The following NELL2 variants were observed in gnomAD, a reference collection of about 807,000 sequenced individuals.
NELL2 encodes protein kinase C-binding protein NELL2.
NELL2 carries 41 observed loss-of-function variants against 109.6 expected under a neutral mutation model. The ratio of observed to expected loss-of-function variants is 0.37; its 90% CI spans 0.29 to 0.49. The LOEUF is 0.49. NELL2 is among the 20% of genes least tolerant of loss of function. The pLI, the probability that NELL2 is intolerant of heterozygous loss-of-function variation, is 0.98. For synonymous variants in NELL2, 355 were observed against 344.7 expected (o/e 1.03, Z -0.33); for missense variants, 900 against 1,008.3 (o/e 0.89, Z 1.45).
At chr12:44,769,119 C>T (rs575132348) in intron 9 of NELL2, among the ~76,000 whole-genome samples, 224 of 152,208 alleles carry the variant, frequency 1.5e-3, no homozygotes, top group Middle Eastern at 0.01. Flanking sequence ...TTTAAAATCA[C>T]TAAGTACTTG....
chr12:44,665,857 T>C (rs1472320556), intron 12 of NELL2, among the ~76,000 whole-genome samples: 2 of 152,194 alleles, frequency 1.3e-5, no homozygotes, highest in Non-Finnish European at 1.5e-5. Flanking sequence ...AAATATCTTT[T>C]GAAATTTTCA....
chr12:44,820,739 T>C (rs1194573226), intron 2 of NELL2, among the ~76,000 whole-genome samples: 1 of 152,004 alleles, frequency 6.6e-6, no homozygotes, highest in African/African-American at 2.4e-5. Flanking sequence ...AGAGACTTAA[T>C]GAAAGGAAAT....
intron 9 of NELL2, among the ~76,000 whole-genome samples, chr12:44,756,213 G>A (rs925986797): frequency 2.6e-5 from 4 of 151,906 alleles, no homozygotes; most frequent in Non-Finnish European, 5.9e-5. Context: ...AGCAAAGTTC[G>A]AATTCTTCAA....
intron 15 of NELL2, among the ~76,000 whole-genome samples, chr12:44,541,230 G>C (rs1219405782): frequency 1.0e-5 from 1 of 99,504 alleles, no homozygotes; most frequent in Non-Finnish European, 1.8e-5. Flanking sequence ...CAGCCTGGGA[G>C]ACAAAGTGAG....
chr12:44,571,299 T>A (rs925794266), intron 15 of NELL2, among the ~76,000 whole-genome samples: 1 of 152,210 alleles, frequency 6.6e-6, no homozygotes, highest in Non-Finnish European at 1.5e-5. Context: ...CCTTCTTGGC[T>A]TAGCAGAGTG....
intron 1 of NELL2, among the ~76,000 whole-genome samples, chr12:44,895,327 G>C (rs547255572): frequency 6.6e-6 from 1 of 152,012 alleles, no homozygotes. Context: ...GGAACAAAAC[G>C]CAAGAGTTGA....
chr12:44,557,784 T>C (rs143117304), intron 15 of NELL2, among the ~76,000 whole-genome samples: 1 of 151,784 alleles, frequency 6.6e-6, no homozygotes, highest in East Asian at 1.9e-4. Flanking sequence ...GAGGATGGAA[T>C]TGTAAAGGGG....
chr12:44,628,791 A>C (rs1053815703), intron 13 of NELL2, among the ~76,000 whole-genome samples: 1 of 152,194 alleles, frequency 6.6e-6, no homozygotes, highest in Non-Finnish European at 1.5e-5. Context: ...CCGGGTGACT[A>C]GCCCAGTACC....
intron 13 of NELL2, among the ~76,000 whole-genome samples, chr12:44,637,873 A>G (rs1676437840): frequency 6.6e-6 from 1 of 151,996 alleles, no homozygotes; most frequent in African/African-American, 2.4e-5. Context: ...TCCTGTGTCT[A>G]TAATACTAGT....
chr12:44,541,899 T>A (rs1194348843), intron 15 of NELL2, among the ~76,000 whole-genome samples: 1 of 152,208 alleles, frequency 6.6e-6, no homozygotes. Context: ...GTTTAAGTAT[T>A]TTTTTACAAA....
chr12:44,608,392 T>C (rs184068979), intron 14 of NELL2, among the ~76,000 whole-genome samples: 2 of 151,998 alleles, frequency 1.3e-5, no homozygotes, highest in Admixed American at 6.6e-5. Context: ...TGTCAGACCA[T>C]GTACATATTT....
chr12:44,726,145 T>C (rs1366174767), intron 9 of NELL2, among the ~76,000 whole-genome samples: 1 of 152,046 alleles, frequency 6.6e-6, no homozygotes, highest in African/African-American at 2.4e-5. Flanking sequence ...TAACAGTAGA[T>C]ATACACACAT....
chr12:44,822,717 T>C (rs932844921), intron 2 of NELL2, among the ~76,000 whole-genome samples: 2 of 152,236 alleles, frequency 1.3e-5, no homozygotes, highest in African/African-American at 2.4e-5. Flanking sequence ...TTATTGTGCA[T>C]ACAGCCTAAA....
intron 15 of NELL2, among the ~76,000 whole-genome samples, chr12:44,577,465 GTTTTTTTTTTTTTTTTT>G (rs746239984): frequency 1.2e-5 from 1 of 83,438 alleles, no homozygotes; most frequent in Admixed American, 1.2e-4. Context: ...CAGATGAGTA[GTTTTTTTTTTTTTTTTT>G]TTTTTTTTTT....
chr12:44,554,291 A>G (rs1349058610), intron 15 of NELL2, among the ~76,000 whole-genome samples: 1 of 152,206 alleles, frequency 6.6e-6, no homozygotes, highest in Non-Finnish European at 1.5e-5. Context: ...ACCAGCCTGG[A>G]TAACTGTCAA....
At position 44,875,371 on chromosome 12, in the gene NELL2, G is replaced by GT. The variant is rs1177248128; in HGVS notation, c.56-19dup. 6.2e-7 allele frequency: 1 copy of GT among 1,614,060 alleles called. No individual in the cohort carries two copies. The highest frequency in any genetic ancestry group is 2.2e-5 in the East Asian group (1 of 44,878). The stretch of plus-strand genomic sequence containing the variant: ...CCCCCAAACTGGTGAGGGGTATGAG[G>GT]TGGGAGAGAGAAAAAGGAAAAGCTC... On this transcript the variant is annotated intron_variant, in intron 1 of 19. Coordinates refer to ENST00000429094, the MANE Select transcript of NELL2 (RefSeq NM_001145108.2).
At chr12:44,801,467 T>C (rs776361668) in intron 3 of NELL2, among the ~76,000 whole-genome samples, 13 of 152,228 alleles carry the variant, frequency 8.5e-5, no homozygotes, top group African/African-American at 1.7e-4. Context: ...AGAAAGCTCA[T>C]GGTGCTGCTC....
chr12:44,788,393 C>T (rs1942258663), intron 3 of NELL2, among the ~76,000 whole-genome samples: 2 of 152,200 alleles, frequency 1.3e-5, no homozygotes, highest in African/African-American at 4.8e-5. Context: ...CACACACCCA[C>T]ACTGGGGAAA....
chr12:44,902,526 T>C (rs1328249457), intron 1 of NELL2, among the ~76,000 whole-genome samples: 10 of 152,192 alleles, frequency 6.6e-5, no homozygotes, highest in Admixed American at 6.5e-4. Flanking sequence ...TACCATTGAC[T>C]TTCTTCACAG....
Sources: gnomAD v4.1 joint callset for allele counts (sites outside exome capture counted in the v4.1 genomes callset) on GRCh38, gnomAD v4.1.1 for gene constraint, MANE v1.5 for transcripts, NCBI Gene and HGNC (gene_info 2026-07-23, HGNC 2026-07-21) for gene names.